Variants in OGFOD3 observed in about 807,000 individuals in gnomAD.
The protein encoded by OGFOD3 is 2-oxoglutarate and iron-dependent oxygenase domain-containing protein 3.
Under a neutral mutation model 39.8 loss-of-function variants are expected in OGFOD3, and 35 were observed. The observed-to-expected ratio is 0.88, with a 90% CI of 0.67 to 1.17. The LOEUF (loss-of-function observed/expected upper bound fraction) is 1.17, where lower values mean the gene tolerates loss of function less well. Ranked by LOEUF, OGFOD3 falls within the 50% of genes most tolerant of loss-of-function variation. OGFOD3 has a pLI of 0.00. For missense variants in OGFOD3, 438 were observed against 454.5 expected (o/e 0.96, Z 0.33); for synonymous variants, 200 against 192.0 (o/e 1.04, Z -0.34).
chr17:82,401,030 G>C (rs182873693), intron 7 of OGFOD3: 2 of 152,206 alleles, frequency 1.3e-5, no homozygotes, highest in Non-Finnish European at 2.9e-5. Flanking sequence ...AAGTGGTTAC[G>C]GCAAAGCGGT....
intron 2 of OGFOD3, among the ~76,000 whole-genome samples, chr17:82,413,813 T>C (rs1599704781): frequency 1.3e-5 from 2 of 149,796 alleles, no homozygotes; most frequent in Admixed American, 1.3e-4. Context: ...CTGGCGGAGG[T>C]TGCAGTGAGC....
rs1372428802 is a variant in OGFOD3 at position 82,415,614 on chromosome 17, G to A, written c.88C>T (p.Arg30Ter). Residue 30 changes from arginine to a stop codon, truncating the protein, a stop_gained, in exon 2 of 9, where the codon CGA (arginine) becomes TGA (stop). Transcript: ENST00000313056. LOFTEE classifies it high-confidence loss of function. The surrounding 1 kb of genome is among the most constrained non-coding windows in gnomAD (Gnocchi z 5.3). ...RRNRSSTKKD[R>*]APREVQRLWQ... ...AGCCTCTGCACCTCCCGCGGGGCTC[G>A]GTCCTTCTTGGTGCTGAGAACAGAA... 44 of 1,611,294 alleles carry A rather than the reference G, an allele frequency of 2.7e-5. No individual in the cohort carries two copies. Among genetic ancestry groups the A allele is most frequent in the Non-Finnish European group, 3.6e-5 (43 of 1,178,626 alleles).
In OGFOD3 at chr17:82,406,023, G is replaced by A. The variant is rs1424817005; in HGVS notation, c.488+395C>T. On this transcript the variant is annotated intron_variant, in intron 5 of 8. Coordinates refer to ENST00000313056, the MANE Select transcript of OGFOD3 (RefSeq NM_024648.3). The surrounding 1 kb of genome is among the most constrained non-coding windows in gnomAD (Gnocchi z 5.2). ...CAGGGCTAATGCATGAGGCTGACAC[G>A]GATCCACGCAGGGAGGGTCTCTTTG... Among the ~76,000 whole-genome samples, 4 of 152,116 alleles carry A rather than the reference G, an allele frequency of 2.6e-5. No individual in the cohort carries two copies. Among genetic ancestry groups the A allele is most frequent in the South Asian group, 2.1e-4 (1 of 4,834 alleles).
intron 2 of OGFOD3, among the ~76,000 whole-genome samples, chr17:82,411,992 A>G (rs1244159298): frequency 6.6e-6 from 1 of 150,746 alleles, no homozygotes; most frequent in Non-Finnish European, 1.5e-5. Context: ...CCCTCCTGAG[A>G]CCACCAGAGC....
chr17:82,403,739 C>A (rs1176639655), intron 7 of OGFOD3, among the ~76,000 whole-genome samples, 198 bp downstream of exon 7: 1 of 151,864 alleles, frequency 6.6e-6, no homozygotes, highest in South Asian at 2.1e-4. Flanking sequence ...TGACCACATG[C>A]GCGCTCACCC....
At chr17:82,394,433 G>A (rs1452867426) in intron 8 of OGFOD3, 1 of 1,613,406 alleles carries the variant, frequency 6.2e-7, no homozygotes, top group Non-Finnish European at 8.5e-7. Context: ...TCGGGCGGGT[G>A]GTGAGTCCCC....
rs755812174 is a variant in OGFOD3 at position 82,415,521 on chromosome 17, A to G, written c.181T>C (p.Trp61Arg). ...AGFVLTALLL[W>R]SSLGADDGVA... ...CCGTCGTCGGCCCCCAAGCTGCTCC[A>G]GAGCAGGAGTGCGGTGAGCACAAAG... Residue 61 changes from tryptophan to arginine, a missense_variant, in exon 2 of 9, where the codon TGG becomes CGG. Trp to Arg is a moderately radical substitution (Grantham distance 101). Transcript: ENST00000313056. The surrounding 1 kb of genome is among the most constrained non-coding windows in gnomAD (Gnocchi z 5.3). 1 of 1,613,658 alleles carries G rather than the reference A, an allele frequency of 6.2e-7. No homozygotes were observed. The highest frequency in any genetic ancestry group is 8.5e-7 in the Non-Finnish European group (1 of 1,179,946).
intron 7 of OGFOD3, among the ~76,000 whole-genome samples, chr17:82,400,188 C>A (rs911667533): frequency 2.0e-5 from 3 of 152,156 alleles, no homozygotes; most frequent in African/African-American, 7.2e-5. Flanking sequence ...GTGCCCTGGG[C>A]GGTGGGTCAA....
In OGFOD3 at chr17:82,404,202, C is replaced by CG; in HGVS notation, c.546-113dup. 2.3e-5 allele frequency: 29 copies of CG among 1,257,256 alleles called. No individual in the cohort carries two copies. The highest frequency in any genetic ancestry group is 2.8e-5 in the Non-Finnish European group (26 of 936,118). The allele number at this position is 1,257,256 out of a possible 1,614,324, so 77.9% of individuals were successfully genotyped here. On this transcript the variant is annotated intron_variant, in intron 6 of 8. Transcript: ENST00000313056. The surrounding 1 kb of genome is among the most constrained non-coding windows in gnomAD (Gnocchi z 4.5). ...CAGCCTTCGTACGGCTCCGGGCCCG[C>CG]GGGGCGGGGGCTCCCAAGCACACCG...
At position 82,405,332 on chromosome 17, in the gene OGFOD3, C is replaced by T. The variant is rs141422301; in HGVS notation, c.537G>A (p.Arg179=). The T allele has an allele frequency of 2.5e-6, 4 of 1,613,282 alleles. No individual in the cohort carries two copies. In the African/African-American group the frequency reaches 5.3e-5, roughly 22 times the overall value. The change falls in exon 6 of 9, where the codon CGG becomes CGA. Residue 179 remains arginine (R), a synonymous_variant. Transcript: ENST00000313056. The stretch of plus-strand genomic sequence containing the variant: ...GCCTCACTCCTCCTTACCGGTATAA[C>T]CGGAAGTCCTCCTCTGAGAAGATGT... The part of the protein sequence containing the change: ...IQNIFSEEDF[R]LYREVRQKVQ...
chr17:82,397,991 G>C (rs1318811580), intron 8 of OGFOD3, among the ~76,000 whole-genome samples: 2 of 152,036 alleles, frequency 1.3e-5, no homozygotes, highest in Non-Finnish European at 2.9e-5. Context: ...GCCGCTGACT[G>C]ACGGTGACCT....
chr17:82,395,657 T>TAA (rs2052660694), intron 8 of OGFOD3, among the ~76,000 whole-genome samples: 1 of 151,878 alleles, frequency 6.6e-6, no homozygotes. Context: ...CCGTCTCTAC[T>TAA]AAAAATACAA....
At chr17:82,398,074 C>T in intron 8 of OGFOD3, 122 bp downstream of exon 8, 2 of 1,274,896 alleles carry the variant, frequency 1.6e-6, no homozygotes, top group Non-Finnish European at 2.2e-6. Context: ...TCACTCAGCA[C>T]CGGCCCGGCA....
chr17:82,418,253 CTGCGGT>C (rs1230826712), intron 1 of OGFOD3, 153 bp downstream of exon 1: 1 of 441,328 alleles, frequency 2.3e-6, no homozygotes, highest in African/African-American at 2.1e-5. Flanking sequence ...CCAGCATGGG[CTGCGGT>C]AGACCCCGCC....
intron 4 of OGFOD3, among the ~76,000 whole-genome samples, chr17:82,407,851 G>A (rs2052879385): frequency 6.6e-6 from 1 of 152,168 alleles, no homozygotes; most frequent in Non-Finnish European, 1.5e-5. Flanking sequence ...GAAATAAAGG[G>A]AGGAACTTAG....
intron 5 of OGFOD3, 141 bp from the exon 6 acceptor site, chr17:82,405,521 A>G (rs370617743): frequency 4.0e-6 from 3 of 749,496 alleles, no homozygotes; most frequent in East Asian, 2.7e-5. Flanking sequence ...GATAACTGCT[A>G]TAAAGGAGCC....
intron 3 of OGFOD3, among the ~76,000 whole-genome samples, chr17:82,410,710 C>CTTTT (rs71168106): frequency 1.2e-4 from 11 of 91,708 alleles, no homozygotes; most frequent in East Asian, 4.2e-4. Flanking sequence ...GCACATAATT[C>CTTTT]TTTTTTTTTT....
In OGFOD3 at chr17:82,392,209, C is replaced by A; in HGVS notation, c.*189G>T. The A allele has an allele frequency of 5.8e-6, 4 of 687,982 alleles. No homozygotes were observed. Among genetic ancestry groups the A allele is most frequent in the Middle Eastern group, 4.2e-4 (1 of 2,384 alleles). The allele number at this position is 687,982 out of a possible 1,614,324, so 42.6% of individuals were successfully genotyped here. A position where few individuals can be genotyped will look rare whatever the true frequency, so the allele number is the denominator to read the frequency against. On this transcript the variant is annotated 3_prime_UTR_variant, in exon 9 of 9. Coordinates refer to ENST00000313056, the MANE Select transcript of OGFOD3 (RefSeq NM_024648.3). The surrounding 1 kb of genome is among the most constrained non-coding windows in gnomAD (Gnocchi z 4.2). ...GCCTACAGCCCAAGCACACATGATGCTGGAGAAGTGAAAAGCTGGTTCCCT... is the reference window on the plus strand; with the variant it reads ...GCCTACAGCCCAAGCACACATGATGATGGAGAAGTGAAAAGCTGGTTCCCT...
At chr17:82,399,328 G>A (rs1323572890) in intron 7 of OGFOD3, among the ~76,000 whole-genome samples, 4 of 152,190 alleles carry the variant, frequency 2.6e-5, no homozygotes. Context: ...CAGCCAGCAG[G>A]GTGTGCATGC....
Sources: gnomAD v4.1 joint callset for allele counts (sites outside exome capture counted in the v4.1 genomes callset) on GRCh38, gnomAD v4.1.1 for gene constraint, Gnocchi (gnomAD v3.1) non-coding constraint, MANE v1.5 for transcripts, NCBI Gene and HGNC (gene_info 2026-07-23, HGNC 2026-07-21) for gene names.